The following COL2A1 variants were observed in gnomAD, a reference collection of about 807,000 sequenced individuals.
COL2A1 encodes collagen type II alpha 1 chain, also known as collagen alpha-1(II) chain.
COL2A1 carries 28 observed loss-of-function variants against 204.5 expected under a neutral mutation model. That is an observed-to-expected ratio of 0.14 (90% confidence interval 0.10 to 0.19). COL2A1 has a LOEUF of 0.19. COL2A1 is among the 10% of genes least tolerant of loss of function. The probability of loss-of-function intolerance (pLI) is 1.00; values close to 1 mark genes in which losing one functional copy is unlikely to be tolerated. For synonymous variants in COL2A1, 708 were observed against 718.7 expected, an observed-to-expected ratio of 0.99 and a Z score of 0.24; for missense variants, 1,388 against 2,027.5, an observed-to-expected ratio of 0.68 and a Z score of 6.06.
chr12:47,984,444 AC>A, intron 28 of COL2A1, 101 bp downstream of exon 28: 2 of 1,221,162 alleles, frequency 1.6e-6, no homozygotes, highest in Non-Finnish European at 2.4e-6. Context: ...AACACTCAAT[AC>A]TGAGGGGTCC....
Position 47,995,767 on chromosome 12 carries a change from A to G in COL2A1, c.655-4T>C. On this transcript the variant is annotated splice_region_variant and splice_polypyrimidine_tract_variant and intron_variant, in intron 9 of 53. Coordinates refer to ENST00000380518, the MANE Select transcript of COL2A1 (RefSeq NM_001844.5). Reference sequence around the variant, plus strand: ...TGCCTTGAAATCCTTGAGGCCCCTAAAAAGTAAAATGAGGATACCAGGTCA... The same window carrying G: ...TGCCTTGAAATCCTTGAGGCCCCTAGAAAGTAAAATGAGGATACCAGGTCA... 1 of 1,614,070 alleles carries G rather than the reference A, an allele frequency of 6.2e-7. No homozygotes were observed. The highest frequency in any genetic ancestry group is 1.1e-5 in the South Asian group (1 of 91,078).
chr12:48,001,868 G>A (rs1940251840), intron 1 of COL2A1, among the ~76,000 whole-genome samples: 1 of 152,222 alleles, frequency 6.6e-6, no homozygotes, highest in African/African-American at 2.4e-5. Flanking sequence ...GCCTGATCCG[G>A]TTCCCCTCAT....
At chr12:47,981,505 C>T (rs1293869917) in intron 36 of COL2A1, 109 bp from the exon 37 acceptor site, 7 of 1,020,020 alleles carry the variant, frequency 6.9e-6, no homozygotes, top group African/African-American at 6.3e-5. Context: ...GGCTCCAGGT[C>T]CCCCTGGCAC....
chr12:47,984,410 G>A (rs368324769), intron 28 of COL2A1, 136 bp downstream of exon 28: 72 of 943,810 alleles, frequency 7.6e-5, no homozygotes, highest in South Asian at 5.4e-4. Context: ...GGCCCAGCCA[G>A]CATGGGGCTC....
intron 22 of COL2A1, 86 bp from the exon 23 acceptor site, chr12:47,986,529 T>G: frequency 1.2e-6 from 1 of 854,510 alleles, no homozygotes; most frequent in South Asian, 1.5e-5. Context: ...GGAAGTAGCC[T>G]TGGCAACTGT....
At position 47,995,430 on chromosome 12, in the gene COL2A1, G is replaced by A. The variant is rs905444083; in HGVS notation, c.709-122C>T. ...TTCTATGAAGAAGAAAGATGGGAAGGTCAGAGCAAAGGTGCAGAGATCATA... is the reference window on the plus strand; with the variant it reads ...TTCTATGAAGAAGAAAGATGGGAAGATCAGAGCAAAGGTGCAGAGATCATA... On this transcript the variant is annotated intron_variant, in intron 10 of 53. Coordinates refer to ENST00000380518, the MANE Select transcript of COL2A1 (RefSeq NM_001844.5). 1.4e-5 allele frequency: 13 copies of A among 939,988 alleles called. 1 individual carries two copies. Among genetic ancestry groups the A allele is most frequent in the African/African-American group, 6.5e-5 (4 of 61,976 alleles). 58.2% of individuals were successfully genotyped at this position (939,988 alleles called of 1,614,324 possible). A position where few individuals can be genotyped will look rare whatever the true frequency, so the allele number is the denominator to read the frequency against.
At position 47,975,494 on chromosome 12, in the gene COL2A1, G is replaced by T; in HGVS notation, c.3709C>A (p.Gln1237Lys). The T allele has an allele frequency of 6.2e-7, 1 of 1,613,228 alleles. No individual in the cohort carries two copies. The highest frequency in any genetic ancestry group is 8.5e-7 in the Non-Finnish European group (1 of 1,180,028). The change falls in exon 51 of 54, where the codon CAG (glutamine) becomes AAG (lysine). Residue 1237 changes from glutamine to lysine, a missense_variant. This residue lies in a region of COL2A1 where 303 missense variants were observed against 369.2 expected (regional missense o/e 0.82). Coordinates refer to ENST00000380518, the MANE Select transcript of COL2A1 (RefSeq NM_001844.5). Reference protein sequence around the residue: ...GPREKGPDPLQYMRADQAAGG... With the variant: ...GPREKGPDPLKYMRADQAAGG... Reference sequence around the variant, plus strand: ...GCTGCCTGGTCGGCCCGCATGTACTGCAGGGGGTCGGGGCCCTTCTCTCTC... The same window carrying T: ...GCTGCCTGGTCGGCCCGCATGTACTTCAGGGGGTCGGGGCCCTTCTCTCTC...
chr12:47,991,243 C>A (rs1592226198), intron 16 of COL2A1, among the ~76,000 whole-genome samples: 1 of 152,218 alleles, frequency 6.6e-6, no homozygotes, highest in African/African-American at 2.4e-5. Flanking sequence ...TGAAAGGGAG[C>A]TGCCATGCTG....
Position 47,975,563 on chromosome 12 carries a change from G to T in COL2A1, c.3640C>A (p.Pro1214Thr). 1 of 1,603,008 alleles carries T rather than the reference G, an allele frequency of 6.2e-7. No homozygotes were observed. The change falls in exon 51 of 54, where the codon CCT becomes ACT. Residue 1214 changes from proline (P) to threonine (T), a missense_variant. Coordinates refer to ENST00000380518, the MANE Select transcript of COL2A1 (RefSeq NM_001844.5). The part of the protein sequence containing the change: ...NPGPPGPPGP[P>T]GPGIDMSAFA... ...GCGGACATGTCGATGCCAGGGCCAG[G>T]GGGACCTGGAGGACCAGGGGGTCCA... is the stretch of plus-strand genomic sequence containing the variant.
intron 33 of COL2A1, 76 bp downstream of exon 33, chr12:47,982,772 G>T: frequency 7.2e-7 from 1 of 1,389,000 alleles, no homozygotes; most frequent in Non-Finnish European, 1.0e-6. Flanking sequence ...TTCCTCCTGA[G>T]CCCGCTCCTC....
intron 7 of COL2A1, 82 bp from the exon 8 acceptor site, chr12:47,996,707 A>C (rs576155882): frequency 6.2e-5 from 65 of 1,046,414 alleles, no homozygotes; most frequent in Non-Finnish European, 8.8e-5. Context: ...ATATGGATAC[A>C]AAGAACTCTA....
upstream of COL2A1, chr12:48,004,485 C>T (rs946049547): frequency 1.8e-5 from 10 of 544,676 alleles, no homozygotes; most frequent in East Asian, 3.3e-4. Flanking sequence ...GCGTCTTCTC[C>T]CCGCCGCGGC....
chr12:47,982,757 C>A, intron 33 of COL2A1, 91 bp downstream of exon 33: 2 of 1,349,700 alleles, frequency 1.5e-6, no homozygotes, highest in South Asian at 1.2e-5. Context: ...CACTTCTGTT[C>A]TTCATTCCTC....
At chr12:47,997,133 T>C (rs138319495) in intron 7 of COL2A1, among the ~76,000 whole-genome samples, 29 of 152,262 alleles carry the variant, frequency 1.9e-4, no homozygotes, top group Non-Finnish European at 3.4e-4. Flanking sequence ...ATCATATAAT[T>C]TGTTGATTGG....
At chr12:47,975,906 C>T in intron 50 of COL2A1, 57 bp downstream of exon 50, 1 of 1,371,930 alleles carries the variant, frequency 7.3e-7, no homozygotes, top group Middle Eastern at 1.8e-4. Flanking sequence ...AAAAAGAGCT[C>T]AAGCCTCCCG....
intron 41 of COL2A1, among the ~76,000 whole-genome samples, chr12:47,979,055 G>A (rs780169278): frequency 9.9e-5 from 15 of 151,698 alleles, no homozygotes; most frequent in Non-Finnish European, 1.6e-4. Context: ...CCTTCCTCAG[G>A]AGCCGCTCCA....
intron 6 of COL2A1, 47 bp from the exon 7 acceptor site, chr12:47,997,754 A>C (rs746979697): frequency 6.2e-7 from 1 of 1,613,792 alleles, no homozygotes; most frequent in Non-Finnish European, 8.5e-7. Context: ...GTGTTTCTCC[A>C]AGAGCCATCT....
chr12:47,977,894 C>T (rs917303430), intron 44 of COL2A1, 116 bp downstream of exon 44: 4 of 1,074,724 alleles, frequency 3.7e-6, no homozygotes, highest in Non-Finnish European at 5.6e-6. Flanking sequence ...TGTCGGCCGA[C>T]ACTGCCACCC....
intron 53 of COL2A1, 32 bp from the exon 54 acceptor site, chr12:47,973,585 A>G (rs529600168): frequency 8.7e-6 from 14 of 1,613,702 alleles, no homozygotes; most frequent in African/African-American, 6.7e-5. Flanking sequence ...GGCTCTGTTC[A>G]GTAGATGCCT....
Sources: allele counts gnomAD v4.1 joint callset (sites outside exome capture counted in the v4.1 genomes callset), GRCh38; gene constraint gnomAD v4.1.1; regional missense constraint gnomAD v4.1.1; transcripts MANE v1.5; gene names NCBI Gene and HGNC (gene_info 2026-07-23, HGNC 2026-07-21).